The following MSRB3 variants were observed in gnomAD, a reference collection of about 807,000 sequenced individuals.
MSRB3 encodes the protein methionine sulfoxide reductase B3.
Under a neutral mutation model 21.0 loss-of-function variants are expected in MSRB3, and 13 were observed. That is an observed-to-expected ratio of 0.62 (90% CI 0.40 to 0.98). The LOEUF (loss-of-function observed/expected upper bound fraction) is 0.98, where lower values mean the gene tolerates loss of function less well. Among genes scored for constraint, MSRB3 ranks in the 50% least tolerant of loss-of-function variants. The pLI, the probability that MSRB3 is intolerant of heterozygous loss-of-function variation, is 0.00. For missense variants in MSRB3, 199 were observed against 230.3 expected (o/e 0.86, Z 0.88); for synonymous variants, 87 against 88.6 (o/e 0.98, Z 0.10).
At chr12:65,317,537 T>G (rs866376635) in intron 2 of MSRB3, among the ~76,000 whole-genome samples, 10 of 152,216 alleles carry the variant, frequency 6.6e-5, no homozygotes, top group Non-Finnish European at 1.2e-4. Flanking sequence ...CTTCTCACTC[T>G]GCAAGAGGAA....
chr12:65,352,077 A>T (rs1877043382), intron 4 of MSRB3, among the ~76,000 whole-genome samples: 1 of 152,080 alleles, frequency 6.6e-6, no homozygotes, highest in Non-Finnish European at 1.5e-5. Context: ...AAATACTGGC[A>T]AAACGAATCC....
At chr12:65,338,859 G>A (rs987552994) in intron 4 of MSRB3, among the ~76,000 whole-genome samples, 7 of 152,118 alleles carry the variant, frequency 4.6e-5, no homozygotes, top group Non-Finnish European at 1.0e-4. Context: ...CAGATTGCCT[G>A]AGCTCAGGAG....
chr12:65,396,704 A>AGAAAGAAAAG (rs1555209340), intron 5 of MSRB3, among the ~76,000 whole-genome samples: 1 of 54,134 alleles, frequency 1.8e-5, no homozygotes, highest in African/African-American at 6.7e-5. Context: ...AAAAAAAAAA[A>AGAAAGAAAAG]AAAGAAAGAA....
At chr12:65,402,827 C>T (rs1185595680) in intron 5 of MSRB3, among the ~76,000 whole-genome samples, 1 of 152,114 alleles carries the variant, frequency 6.6e-6, no homozygotes, top group African/African-American at 2.4e-5. Context: ...GATGCTATTC[C>T]TCCCTGTTAG....
chr12:65,325,142 T>G (rs1874931440), intron 2 of MSRB3, among the ~76,000 whole-genome samples: 1 of 152,220 alleles, frequency 6.6e-6, no homozygotes, highest in Non-Finnish European at 1.5e-5. Flanking sequence ...TGTTGACTGA[T>G]TATTTAAGAA....
Position 65,466,480 on chromosome 12 carries a change from G to T in MSRB3, c.*3158G>T, listed in dbSNP as rs1883579806. The T allele has an allele frequency of 6.6e-6, 1 of 152,106 alleles. No individual in the cohort carries two copies. Among genetic ancestry groups the T allele is most frequent in the African/African-American group, 2.4e-5 (1 of 41,404 alleles). The allele number at this position is 152,106 out of a possible 1,614,324, so 9.4% of individuals were successfully genotyped here. ...GAAGTGCATGGGACTTTCCCTCTCT[G>T]CACTCCAGCTCTTACTGTACCATTA... On this transcript the variant is annotated 3_prime_UTR_variant, in exon 7 of 7. Coordinates refer to ENST00000308259, the MANE Select transcript of MSRB3 (RefSeq NM_001031679.3).
At chr12:65,334,059 G>A (rs1040791359) in intron 4 of MSRB3, among the ~76,000 whole-genome samples, 3 of 152,106 alleles carry the variant, frequency 2.0e-5, no homozygotes, top group South Asian at 2.1e-4. Context: ...CCTTGTTAGC[G>A]GATAAACCTC....
At chr12:65,318,929 AG>A (rs2136438360) in intron 2 of MSRB3, among the ~76,000 whole-genome samples, 1 of 152,302 alleles carries the variant, frequency 6.6e-6, no homozygotes. Context: ...AAGATAGAAA[AG>A]TAAAATGTGG....
chr12:65,463,048 C>A (rs902073075), intron 6 of MSRB3, 107 bp from the exon 7 acceptor site: 2 of 1,365,810 alleles, frequency 1.5e-6, no homozygotes, highest in Admixed American at 3.4e-5. Flanking sequence ...CGATGGTTTC[C>A]TTCATTTCTC....
chr12:65,443,380 A>G (rs565543723), intron 5 of MSRB3, among the ~76,000 whole-genome samples: 22 of 152,264 alleles, frequency 1.4e-4, no homozygotes, highest in South Asian at 1.0e-3. Context: ...TTTTGAAGAA[A>G]TGCACTATTT....
intron 5 of MSRB3, among the ~76,000 whole-genome samples, chr12:65,410,475 C>T (rs1189709889): frequency 6.6e-6 from 1 of 152,010 alleles, no homozygotes; most frequent in East Asian, 1.9e-4. Context: ...AACCCTGTCT[C>T]TACAAAAAAA....
At chr12:65,336,360 C>T in intron 4 of MSRB3, among the ~76,000 whole-genome samples, 1 of 152,152 alleles carries the variant, frequency 6.6e-6, no homozygotes, top group East Asian at 1.9e-4. Flanking sequence ...ATTATAACTG[C>T]ATTTTTCTTT....
chr12:65,347,619 T>G (rs530694802), intron 4 of MSRB3, among the ~76,000 whole-genome samples: 33 of 152,308 alleles, frequency 2.2e-4, no homozygotes, highest in Non-Finnish European at 3.1e-4. Context: ...CTTCCAACAC[T>G]ATGTTGAATA....
intron 5 of MSRB3, among the ~76,000 whole-genome samples, chr12:65,410,065 G>T (rs892841733): frequency 1.3e-5 from 2 of 151,818 alleles, no homozygotes; most frequent in East Asian, 3.9e-4. Flanking sequence ...AACCTAGTTT[G>T]TCATTTATGT....
chr12:65,295,174 G>A (rs143731605), intron 1 of MSRB3, among the ~76,000 whole-genome samples: 9 of 152,134 alleles, frequency 5.9e-5, no homozygotes, highest in Non-Finnish European at 1.0e-4. Flanking sequence ...TTTATTTTAG[G>A]TTCTATGACC....
At chr12:65,397,199 G>C (rs1319993903) in intron 5 of MSRB3, among the ~76,000 whole-genome samples, 1 of 152,086 alleles carries the variant, frequency 6.6e-6, no homozygotes, top group Non-Finnish European at 1.5e-5. Context: ...CTTTTGATTG[G>C]TGTCAGCATG....
intron 4 of MSRB3, among the ~76,000 whole-genome samples, chr12:65,364,089 C>T (rs958008246): frequency 1.3e-5 from 2 of 152,140 alleles, no homozygotes; most frequent in African/African-American, 4.8e-5. Context: ...GTTTTTCCCT[C>T]ATGATCTAGG....
At position 65,464,237 on chromosome 12, in the gene MSRB3, G is replaced by C. The variant is rs553281572; in HGVS notation, c.*915G>C. The stretch of plus-strand genomic sequence containing the variant: ...TGCAGTTAGCCGAGATCATGCCACT[G>C]CACTCCAGCCTACATGACAATGTGA... On this transcript the variant is annotated 3_prime_UTR_variant, in exon 7 of 7. Coordinates refer to ENST00000308259, the MANE Select transcript of MSRB3 (RefSeq NM_001031679.3). 1 of 152,414 alleles carries C rather than the reference G, an allele frequency of 6.6e-6. No individual in the cohort carries two copies. Among genetic ancestry groups the C allele is most frequent in the Admixed American group, 6.5e-5 (1 of 15,296 alleles). 9.4% of individuals were successfully genotyped at this position (152,414 alleles called of 1,614,324 possible). A position where few individuals can be genotyped will look rare whatever the true frequency, so the allele number is the denominator to read the frequency against.
chr12:65,442,755 T>C (rs1882440957), intron 5 of MSRB3, among the ~76,000 whole-genome samples: 1 of 152,106 alleles, frequency 6.6e-6, no homozygotes, highest in African/African-American at 2.4e-5. Context: ...TGAAACCATT[T>C]TGAGAGACAT....
Sources: gnomAD v4.1 joint callset for allele counts (sites outside exome capture counted in the v4.1 genomes callset) on GRCh38, gnomAD v4.1.1 for gene constraint, MANE v1.5 for transcripts, NCBI Gene and HGNC (gene_info 2026-07-23, HGNC 2026-07-21) for gene names.